Variants in RGS6 observed in about 807,000 individuals in gnomAD.
The protein encoded by RGS6 is regulator of G protein signaling 6, also known as regulator of G-protein signaling 6.
RGS6 carries 30 observed loss-of-function variants against 78.5 expected under a neutral mutation model. That is an observed-to-expected ratio of 0.38 (90% CI 0.29 to 0.52). The LOEUF (loss-of-function observed/expected upper bound fraction) is 0.52. Among genes scored for constraint, RGS6 ranks in the 20% least tolerant of loss-of-function variants. The probability of loss-of-function intolerance (pLI) is 0.85; values close to 1 mark genes in which losing one functional copy is unlikely to be tolerated. For missense variants in RGS6, 495 were observed against 609.7 expected, an observed-to-expected ratio of 0.81 and a Z score of 1.98; for synonymous variants, 206 against 206.0, an observed-to-expected ratio of 1.00 and a Z score of 0.00.
chr14:72,409,713 C>A (rs1042603009), intron 3 of RGS6, among the ~76,000 whole-genome samples: 5 of 152,080 alleles, frequency 3.3e-5, no homozygotes, highest in African/African-American at 1.2e-4. Context: ...TCCCTCCCCT[C>A]TCCCCCAACC....
At chr14:71,928,063 C>T (rs1487844749), upstream of RGS6, among the ~76,000 whole-genome samples, 1 of 152,112 alleles carries the variant, frequency 6.6e-6, no homozygotes, top group Non-Finnish European at 1.5e-5. Flanking sequence ...CACTATGTTG[C>T]CCAGGCTGGA....
At chr14:72,550,617 T>C (rs556182470) in intron 17 of RGS6, 9 of 1,531,790 alleles carry the variant, frequency 5.9e-6, no homozygotes, top group South Asian at 2.4e-5. Flanking sequence ...CTGTCCTGGT[T>C]AATACTAGAA....
chr14:72,581,634 C>G, the RGS6 span, among the ~76,000 whole-genome samples: 10,511 of 152,250 alleles, frequency 0.069, 410 homozygotes, highest in Middle Eastern at 0.11. Flanking sequence ...TGAAACTACC[C>G]CTGGTGTCCC....
chr14:72,010,928 A>G (rs995693131), intron 2 of RGS6, among the ~76,000 whole-genome samples: 1 of 152,204 alleles, frequency 6.6e-6, no homozygotes, highest in Non-Finnish European at 1.5e-5. Context: ...TGCTTTCTCT[A>G]GCCCTTTTCT....
intron 2 of RGS6, among the ~76,000 whole-genome samples, chr14:72,090,640 GC>G (rs1597391610): frequency 1.3e-5 from 2 of 152,322 alleles, no homozygotes; most frequent in East Asian, 3.9e-4. Context: ...AGTCCCTGGT[GC>G]CAAAAAGGTT....
chr14:72,312,619 C>A (rs2068928199), intron 2 of RGS6, among the ~76,000 whole-genome samples: 1 of 152,150 alleles, frequency 6.6e-6, no homozygotes, highest in Non-Finnish European at 1.5e-5. Flanking sequence ...CATAGTTATG[C>A]GTAGGAGTAA....
intron 2 of RGS6, among the ~76,000 whole-genome samples, chr14:72,318,834 G>T (rs2071053188): frequency 6.6e-6 from 1 of 152,192 alleles, no homozygotes. Flanking sequence ...AAAGGGAAAT[G>T]CACAGTCATC....
chr14:72,285,498 C>A (rs759171028), intron 2 of RGS6, among the ~76,000 whole-genome samples: 1 of 152,164 alleles, frequency 6.6e-6, no homozygotes, highest in Non-Finnish European at 1.5e-5. Context: ...TCATGTGGAA[C>A]TGTGAGTCCA....
intron 17 of RGS6, among the ~76,000 whole-genome samples, chr14:72,541,907 C>T (rs2097332857): frequency 1.3e-5 from 2 of 152,140 alleles, no homozygotes; most frequent in African/African-American, 4.8e-5. Context: ...TTATTGATTT[C>T]CTTTCATCCC....
chr14:72,065,324 C>G (rs1210941704), intron 2 of RGS6, among the ~76,000 whole-genome samples: 1 of 152,168 alleles, frequency 6.6e-6, no homozygotes, highest in African/African-American at 2.4e-5. Context: ...GGTTTACAGG[C>G]CAAAGTTTGT....
At chr14:72,581,828 T>C in the RGS6 span, among the ~76,000 whole-genome samples, 1 of 152,258 alleles carries the variant, frequency 6.6e-6, no homozygotes, top group African/African-American at 2.4e-5. Flanking sequence ...AGGGTCTGTC[T>C]TAGTCTGTTT....
chr14:72,017,563 A>G (rs2087318943), intron 2 of RGS6, among the ~76,000 whole-genome samples: 1 of 152,130 alleles, frequency 6.6e-6, no homozygotes, highest in Non-Finnish European at 1.5e-5. Context: ...TGCAACAGAG[A>G]CTACCTAGTT....
intron 2 of RGS6, among the ~76,000 whole-genome samples, chr14:72,044,995 G>A (rs778763489): frequency 4.5e-4 from 69 of 152,358 alleles, no homozygotes; most frequent in South Asian, 8.3e-4. Context: ...TGGACTGAGA[G>A]TTACATTGTT....
rs1598991005 is a variant in RGS6, at chr14:72,547,477, T to A, written c.1422+7383T>A. ...AGTGATGAGTGTCCCTGGTTTGAGT[T>A]GAGTTAGGAAAGCATGACATTTTGG... On this transcript the variant is annotated intron_variant, in intron 17 of 17. Transcript: ENST00000553525. The A allele has an allele frequency of 7.0e-6, 5 of 713,344 alleles. No individual in the cohort carries two copies. In the East Asian group the frequency reaches 1.4e-4, roughly 20 times the overall value. 44.2% of individuals were successfully genotyped at this position (713,344 alleles called of 1,614,324 possible). A position where few individuals can be genotyped will look rare whatever the true frequency, so the allele number is the denominator to read the frequency against.
At chr14:72,467,931 G>C (rs1227018636) in intron 7 of RGS6, among the ~76,000 whole-genome samples, 1 of 152,114 alleles carries the variant, frequency 6.6e-6, no homozygotes, top group Non-Finnish European at 1.5e-5. Flanking sequence ...CTTGAGGAAA[G>C]GCCCAGACAG....
intron 2 of RGS6, among the ~76,000 whole-genome samples, chr14:72,042,802 A>G (rs2092537626): frequency 6.6e-6 from 1 of 152,218 alleles, no homozygotes; most frequent in Non-Finnish European, 1.5e-5. Context: ...AAATGTTTGT[A>G]GAAATATTCT....
chr14:72,379,007 T>C (rs1337659446), intron 3 of RGS6, among the ~76,000 whole-genome samples: 2 of 152,144 alleles, frequency 1.3e-5, no homozygotes, highest in Non-Finnish European at 2.9e-5. Flanking sequence ...ATTTATCTCA[T>C]GAATGCAAGG....
chr14:72,418,526 G>C (rs1406841590), intron 3 of RGS6, among the ~76,000 whole-genome samples: 6 of 152,186 alleles, frequency 3.9e-5, no homozygotes, highest in Non-Finnish European at 7.3e-5. Flanking sequence ...AAGGAAATTA[G>C]AGTAGGATCA....
intron 2 of RGS6, among the ~76,000 whole-genome samples, chr14:72,039,187 G>A (rs1272026710): frequency 2.6e-5 from 4 of 152,172 alleles, no homozygotes; most frequent in Non-Finnish European, 1.5e-5. Flanking sequence ...ATAAGTTGAA[G>A]TAAACATAAA....
Sources: allele counts gnomAD v4.1 joint callset (sites outside exome capture counted in the v4.1 genomes callset), GRCh38; gene constraint gnomAD v4.1.1; transcripts MANE v1.5; gene names NCBI Gene and HGNC (gene_info 2026-07-23, HGNC 2026-07-21).